Variants in NBEAL1 observed in about 807,000 individuals in gnomAD.
NBEAL1 encodes neurobeachin like 1, also known as neurobeachin-like protein 1.
In NBEAL1, 273 loss-of-function variants were observed where a neutral mutation model predicts 351.3. That is an observed-to-expected ratio of 0.78 (90% CI 0.70 to 0.86). NBEAL1 has a LOEUF of 0.86. NBEAL1 is among the 40% of genes least tolerant of loss of function. The probability of loss-of-function intolerance (pLI) is 0.00; values close to 1 mark genes in which losing one functional copy is unlikely to be tolerated. For missense variants in NBEAL1, 2,961 were observed against 3,201.3 expected (o/e 0.92, Z 1.81); for synonymous variants, 1,050 against 1,086.4 (o/e 0.97, Z 0.66).
At chr2:203,089,952 T>G (rs1382000798) in intron 10 of NBEAL1, among the ~76,000 whole-genome samples, 1 of 152,232 alleles carries the variant, frequency 6.6e-6, no homozygotes, top group African/African-American at 2.4e-5. Flanking sequence ...ATATTTTCCT[T>G]TGCCACTTTG....
In NBEAL1 at chr2:203,108,027, C is replaced by T; in HGVS notation, c.1788C>T (p.Leu596=). ...MARKLSLESA[L]QYFNLSHSMA... ...GAAAACTAAGTCTAGAGAGTGCCCT[C>T]CAGTATTTCAATTTGTCACATAGTA... is the stretch of plus-strand genomic sequence containing the variant. The change falls in exon 14 of 56, where the codon CTC becomes CTT. Residue 596 remains leucine, a synonymous_variant. Coordinates refer to ENST00000683969, the MANE Select transcript of NBEAL1 (RefSeq NM_001378026.1). The T allele has an allele frequency of 6.4e-7, 1 of 1,553,904 alleles. No individual in the cohort carries two copies. Among genetic ancestry groups the T allele is most frequent in the Middle Eastern group, 1.7e-4 (1 of 5,990 alleles).
At chr2:203,145,851 C>G (rs1445276941) in intron 33 of NBEAL1, among the ~76,000 whole-genome samples, 1 of 150,098 alleles carries the variant, frequency 6.7e-6, no homozygotes, top group Admixed American at 6.6e-5. Flanking sequence ...TAATCCATAT[C>G]CTTATAAGCA....
chr2:203,029,847 T>C (rs1286831508), intron 2 of NBEAL1, among the ~76,000 whole-genome samples: 1 of 152,244 alleles, frequency 6.6e-6, no homozygotes, highest in Non-Finnish European at 1.5e-5. Context: ...CAAACCTCTC[T>C]TGGATGTGAT....
chr2:203,124,237 G>A (rs1290121979), intron 19 of NBEAL1, among the ~76,000 whole-genome samples: 2 of 152,176 alleles, frequency 1.3e-5, no homozygotes, highest in Non-Finnish European at 2.9e-5. Flanking sequence ...GGAGGCTGAG[G>A]TGAGAGGATC....
chr2:203,144,820 C>G lies in NBEAL1; in HGVS notation c.5069C>G (p.Pro1690Arg). The G allele has an allele frequency of 6.2e-7, 1 of 1,613,834 alleles. No homozygotes were observed. Among genetic ancestry groups the G allele is most frequent in the East Asian group, 2.2e-5 (1 of 44,862 alleles). The change falls in exon 32 of 56, where the codon CCT becomes CGT. Residue 1690 changes from proline (P) to arginine (R), a missense_variant. Pro to Arg is a moderately radical substitution (Grantham distance 103, BLOSUM62 -2). Transcript: ENST00000683969. ...ATGAACTTGCACCTACCTTCTTTACCTTTTACCAATGGTAGCTCCTCATTT... is the reference window on the plus strand; with the variant it reads ...ATGAACTTGCACCTACCTTCTTTACGTTTTACCAATGGTAGCTCCTCATTT... ...LFMNLHLPSL[P>R]FTNGSSSFFE...
At chr2:203,192,654 G>A (rs941577529) in intron 46 of NBEAL1, among the ~76,000 whole-genome samples, 3 of 151,976 alleles carry the variant, frequency 2.0e-5, no homozygotes, top group Non-Finnish European at 4.4e-5. Context: ...CCAAAATGCT[G>A]GGATTACAGG....
At chr2:203,053,487 G>T (rs929458490) in intron 4 of NBEAL1, among the ~76,000 whole-genome samples, 3 of 151,908 alleles carry the variant, frequency 2.0e-5, no homozygotes, top group African/African-American at 7.3e-5. Context: ...CAGGTATCTG[G>T]GTTTTTTTTG....
At chr2:203,075,348 A>G (rs997565052) in intron 7 of NBEAL1, among the ~76,000 whole-genome samples, 1 of 152,166 alleles carries the variant, frequency 6.6e-6, no homozygotes, top group Non-Finnish European at 1.5e-5. Flanking sequence ...GTCAGATACT[A>G]ATATAGCCAC....
At chr2:203,069,899 A>G (rs766595790) in intron 7 of NBEAL1, among the ~76,000 whole-genome samples, 2 of 152,150 alleles carry the variant, frequency 1.3e-5, no homozygotes, top group East Asian at 1.9e-4. Flanking sequence ...GCCTCAAGTG[A>G]TCCTCCCACC....
intron 7 of NBEAL1, among the ~76,000 whole-genome samples, chr2:203,077,241 G>T (rs1193364394): frequency 1.3e-5 from 2 of 151,810 alleles, no homozygotes; most frequent in African/African-American, 4.8e-5. Context: ...GTGGTGGCAG[G>T]TGCCTGTAAT....
At chr2:203,209,380 A>G (rs570547962) in intron 53 of NBEAL1, 58 bp downstream of exon 53, 6 of 1,263,110 alleles carry the variant, frequency 4.8e-6, no homozygotes, top group South Asian at 4.3e-5. Flanking sequence ...TTCCCTCCCC[A>G]CATTATAGAT....
At chr2:203,174,022 A>G (rs542787065) in intron 41 of NBEAL1, among the ~76,000 whole-genome samples, 1 of 152,056 alleles carries the variant, frequency 6.6e-6, no homozygotes, top group East Asian at 1.9e-4. Context: ...TCAGTGATAG[A>G]CCTTGAAGAA....
chr2:203,033,977 A>C (rs1405984756), intron 2 of NBEAL1, among the ~76,000 whole-genome samples: 1 of 152,064 alleles, frequency 6.6e-6, no homozygotes, highest in Non-Finnish European at 1.5e-5. Context: ...CAGAATCAAT[A>C]ACTCCCTTCT....
chr2:203,041,954 C>A, intron 3 of NBEAL1, 98 bp downstream of exon 3: 1 of 779,692 alleles, frequency 1.3e-6, no homozygotes, highest in Non-Finnish European at 2.2e-6. Context: ...AATTATGTTA[C>A]CCTCTTGATA....
At chr2:203,143,645 T>C (rs2106333935) in intron 31 of NBEAL1, among the ~76,000 whole-genome samples, 1 of 152,306 alleles carries the variant, frequency 6.6e-6, no homozygotes, top group Admixed American at 6.5e-5. Flanking sequence ...GCTACTTCTT[T>C]CATATCCAGA....
chr2:203,209,362 G>A (rs774848397), intron 53 of NBEAL1, 40 bp downstream of exon 53: 2 of 1,469,684 alleles, frequency 1.4e-6, no homozygotes, highest in Admixed American at 1.7e-5. Context: ...ACTCCCAATA[G>A]CATATCTTTC....
intron 46 of NBEAL1, among the ~76,000 whole-genome samples, chr2:203,192,817 A>G (rs1242321538): frequency 1.3e-5 from 2 of 151,864 alleles, no homozygotes. Flanking sequence ...TGAAATGTTC[A>G]TTTTACTTGC....
chr2:203,165,004 G>C (rs1188504826), intron 36 of NBEAL1, among the ~76,000 whole-genome samples: 8 of 152,110 alleles, frequency 5.3e-5, no homozygotes, highest in African/African-American at 1.9e-4. Flanking sequence ...TGGGATTACA[G>C]GCATGCACCA....
rs2061929670 is a variant in NBEAL1, at chr2:203,084,514, T to A, written c.1043T>A (p.Ile348Asn). 2 of 1,544,982 alleles carry A rather than the reference T, an allele frequency of 1.3e-6. No individual in the cohort carries two copies. Among genetic ancestry groups the A allele is most frequent in the African/African-American group, 1.4e-5 (1 of 73,086 alleles). Residue 348 changes from isoleucine (I) to asparagine (N), a missense_variant, in exon 10 of 56, where the codon ATT becomes AAT. By Grantham distance (149) the Ile-to-Asn change is moderately radical (BLOSUM62 -3). Coordinates refer to ENST00000683969, the MANE Select transcript of NBEAL1 (RefSeq NM_001378026.1). ...ACAGATAGACCTGTTCTTCAGGCCA[T>A]TTTTCTTAACAGCAATTGCTTTGAA... The part of the protein sequence containing the change: ...DCTDRPVLQA[I>N]FLNSNCFEHL...
Sources: gnomAD v4.1 joint callset for allele counts (sites outside exome capture counted in the v4.1 genomes callset) on GRCh38, gnomAD v4.1.1 for gene constraint, MANE v1.5 for transcripts, NCBI Gene and HGNC (gene_info 2026-07-23, HGNC 2026-07-21) for gene names.